The following VPS13B variants were observed in gnomAD, a reference collection of about 807,000 sequenced individuals.
VPS13B encodes intermembrane lipid transfer protein VPS13B.
Under a neutral mutation model 426.4 loss-of-function variants are expected in VPS13B, and 285 were observed. The ratio of observed to expected loss-of-function variants is 0.67; its 90% CI spans 0.61 to 0.74. The LOEUF (loss-of-function observed/expected upper bound fraction) is 0.74, where lower values mean the gene tolerates loss of function less well. Among genes scored for constraint, VPS13B ranks in the 30% least tolerant of loss-of-function variants. VPS13B has a pLI of 0.00. For synonymous variants in VPS13B, 1,676 were observed against 1,676.4 expected (o/e 1.00, Z 0.01); for missense variants, 4,537 against 4,782.6 (o/e 0.95, Z 1.51).
chr8:99,626,709 A>T (rs1004654175), intron 33 of VPS13B, among the ~76,000 whole-genome samples: 2 of 152,236 alleles, frequency 1.3e-5, no homozygotes, highest in Non-Finnish European at 2.9e-5. Flanking sequence ...TCCAGCCATT[A>T]TGGAAAAAAG....
chr8:99,665,330 C>T (rs1830441175), intron 35 of VPS13B, among the ~76,000 whole-genome samples: 1 of 152,150 alleles, frequency 6.6e-6, no homozygotes, highest in Admixed American at 6.5e-5. Flanking sequence ...TAATTAGATC[C>T]CATTTGTCAA....
At position 99,038,372 on chromosome 8, in the gene VPS13B, TA is replaced by T. The variant is rs756453438; in HGVS notation, c.148-45del. The T allele has an allele frequency of 7.0e-6, 10 of 1,419,334 alleles. No individual in the cohort carries two copies. The East Asian group carries it at 7.6e-5, about 11-fold the overall frequency. The allele number at this position is 1,419,334 out of a possible 1,614,324, so 87.9% of individuals were successfully genotyped here. The stretch of plus-strand genomic sequence containing the variant: ...TAAAAAAGAAATTTGCATATTATAA[TA>T]AAAAATATTAAGCACTTACTAATTT... On this transcript the variant is annotated intron_variant, in intron 2 of 61. Transcript: ENST00000357162.
chr8:99,810,646 T>C (rs1813649894), intron 44 of VPS13B, among the ~76,000 whole-genome samples: 1 of 152,220 alleles, frequency 6.6e-6, no homozygotes, highest in African/African-American at 2.4e-5. Context: ...CCTCAGAATA[T>C]TTATTGATTG....
At chr8:99,497,239 A>G (rs1477815950) in intron 25 of VPS13B, among the ~76,000 whole-genome samples, 32 of 142,712 alleles carry the variant, frequency 2.2e-4, no homozygotes, top group Non-Finnish European at 4.7e-4. Flanking sequence ...TTATATATAC[A>G]TATATGTATG....
chr8:99,425,129 G>A (rs901660959), intron 21 of VPS13B, among the ~76,000 whole-genome samples: 24 of 152,056 alleles, frequency 1.6e-4, no homozygotes, highest in Non-Finnish European at 2.4e-4. Flanking sequence ...CAAATTCTAC[G>A]AGAGGTACAA....
chr8:99,139,219 A>G (rs1810253836), intron 12 of VPS13B, among the ~76,000 whole-genome samples: 1 of 152,118 alleles, frequency 6.6e-6, no homozygotes, highest in Non-Finnish European at 1.5e-5. Context: ...TTTCTTTTCT[A>G]CCACACTCTG....
chr8:99,854,245 T>G lies in VPS13B; in HGVS notation c.10856T>G (p.Leu3619Arg). 6.2e-7 allele frequency: 1 copy of G among 1,613,496 alleles called. No homozygotes were observed. Among genetic ancestry groups the G allele is most frequent in the South Asian group, 1.1e-5 (1 of 90,940 alleles). The part of the protein sequence containing the change: ...ALAMHYAAGA[L>R]FRAGWVVGSL... ...GCAATGCACTATGCCGCTGGGGCCC[T>G]TTTTAGAGCAGGTAAGAACACAAGC... The change falls in exon 56 of 62, where the codon CTT becomes CGT. Residue 3619 changes from leucine to arginine, a missense_variant. Transcript: ENST00000357162.
chr8:99,415,571 G>A (rs964281497), intron 21 of VPS13B, among the ~76,000 whole-genome samples: 29 of 152,146 alleles, frequency 1.9e-4, no homozygotes, highest in African/African-American at 6.0e-4. Context: ...GGTCTTTGAT[G>A]TTGGTGACCT....
chr8:99,625,037 C>A (rs958960491), intron 33 of VPS13B, among the ~76,000 whole-genome samples: 1 of 151,920 alleles, frequency 6.6e-6, no homozygotes, highest in Non-Finnish European at 1.5e-5. Flanking sequence ...GTTGGTCAGG[C>A]TGGTCTCGAA....
rs747232580 is a variant in VPS13B, at chr8:99,103,118, C to G, written c.578C>G (p.Ser193Cys). 5 of 1,613,694 alleles carry G rather than the reference C, an allele frequency of 3.1e-6. No individual in the cohort carries two copies. The South Asian group carries it at 5.5e-5, about 18-fold the overall frequency. Residue 193 changes from serine to cysteine, a missense_variant and splice_region_variant, in exon 5 of 62, where the codon TCT (serine) becomes TGT (cysteine). Around this residue, in one of 2 missense-constraint regions of VPS13B, gnomAD observed 226 missense variants for 308.3 expected, o/e 0.73. Transcript: ENST00000357162. The stretch of plus-strand genomic sequence containing the variant: ...TGGGATCGTGCATTCATGGATATTT[C>G]TGGTGAGTAAATATGGAGAATACCG... ...ELWDRAFMDI[S>C]ATDLVLRKVI...
chr8:99,780,538 A>G (rs753958719), intron 42 of VPS13B, among the ~76,000 whole-genome samples: 128 of 152,146 alleles, frequency 8.4e-4, no homozygotes, highest in Non-Finnish European at 1.3e-3. Context: ...TAGTGCCTTG[A>G]AGGAATATTC....
At position 99,193,075 on chromosome 8, in the gene VPS13B, T is replaced by C. The variant is rs370998018; in HGVS notation, c.2515+18T>C. 3.2e-5 allele frequency: 51 copies of C among 1,612,480 alleles called. No individual in the cohort carries two copies. Among genetic ancestry groups the C allele is most frequent in the Non-Finnish European group, 4.2e-5 (50 of 1,179,494 alleles). ...AAGTATAGGTAAGAGCACAGTCTTT[T>C]TGATAACTATATGGAAAATTTGTGT... On this transcript the variant is annotated intron_variant, in intron 17 of 61. Coordinates refer to ENST00000357162, the MANE Select transcript of VPS13B (RefSeq NM_152564.5).
intron 34 of VPS13B, among the ~76,000 whole-genome samples, chr8:99,651,959 C>T (rs1829831323): frequency 6.6e-6 from 1 of 152,120 alleles, no homozygotes; most frequent in African/African-American, 2.4e-5. Flanking sequence ...TGCCATCTTG[C>T]AACTTATTTA....
intron 23 of VPS13B, among the ~76,000 whole-genome samples, chr8:99,455,700 T>G (rs1818416356): frequency 6.6e-6 from 1 of 152,204 alleles, no homozygotes; most frequent in African/African-American, 2.4e-5. Context: ...TTCTGGACAT[T>G]TTAATACACT....
At chr8:99,131,506 A>G (rs1809800393) in intron 8 of VPS13B, among the ~76,000 whole-genome samples, 1 of 152,236 alleles carries the variant, frequency 6.6e-6, no homozygotes, top group South Asian at 2.1e-4. Flanking sequence ...CCATACCACC[A>G]CAATAAAGCG....
chr8:99,447,245 A>G (rs543867656), intron 23 of VPS13B, among the ~76,000 whole-genome samples: 3 of 152,286 alleles, frequency 2.0e-5, no homozygotes, highest in South Asian at 4.1e-4. Flanking sequence ...ATTTGAAACT[A>G]AATTCTTGAT....
chr8:99,157,545 C>T (rs138358546), intron 15 of VPS13B, among the ~76,000 whole-genome samples: 2 of 152,226 alleles, frequency 1.3e-5, no homozygotes, highest in Non-Finnish European at 2.9e-5. Flanking sequence ...TCTGGGTCCT[C>T]CACTGACCAG....
At chr8:99,858,243 C>T (rs541593867) in intron 56 of VPS13B, among the ~76,000 whole-genome samples, 50 of 152,376 alleles carry the variant, frequency 3.3e-4, no homozygotes, top group Non-Finnish European at 5.4e-4. Context: ...TCACTTGCCC[C>T]TCCAATTCTT....
At chr8:99,862,330 G>A (rs958080742) in intron 58 of VPS13B, among the ~76,000 whole-genome samples, 1 of 152,304 alleles carries the variant, frequency 6.6e-6, no homozygotes, top group Non-Finnish European at 1.5e-5. Flanking sequence ...ATGCTGAGCC[G>A]CTTCTTTTGT....
Sources: allele counts gnomAD v4.1 joint callset (sites outside exome capture counted in the v4.1 genomes callset), GRCh38; gene constraint gnomAD v4.1.1; regional missense constraint gnomAD v4.1.1; transcripts MANE v1.5; gene names NCBI Gene and HGNC (gene_info 2026-07-23, HGNC 2026-07-21).